Variants in SLIT3 observed in about 807,000 individuals in gnomAD.
SLIT3 encodes the protein slit homolog 3 protein.
A neutral mutation model predicts 184.0 loss-of-function variants in SLIT3; 68 were observed. The ratio of observed to expected loss-of-function variants is 0.37; its 90% CI spans 0.30 to 0.45. The LOEUF (loss-of-function observed/expected upper bound fraction) is 0.45, where lower values mean the gene tolerates loss of function less well. SLIT3 is among the 20% of genes least tolerant of loss of function. SLIT3 has a pLI of 1.00. For missense variants in SLIT3, 1,707 were observed against 2,026.0 expected, an observed-to-expected ratio of 0.84 and a Z score of 3.02; for synonymous variants, 831 against 828.6, an observed-to-expected ratio of 1.00 and a Z score of -0.05.
intron 4 of SLIT3, among the ~76,000 whole-genome samples, chr5:169,111,412 TAG>T (rs1403604851): frequency 2.0e-5 from 3 of 152,216 alleles, no homozygotes; most frequent in Admixed American, 1.3e-4. Flanking sequence ...AACATGAAAG[TAG>T]CCATAGAAGA....
At chr5:169,235,671 A>G (rs1013167007) in intron 3 of SLIT3, among the ~76,000 whole-genome samples, 1 of 152,152 alleles carries the variant, frequency 6.6e-6, no homozygotes, top group African/African-American at 2.4e-5. Context: ...TGGCTGTGAC[A>G]GTTTTTCTGA....
intron 5 of SLIT3, among the ~76,000 whole-genome samples, chr5:168,865,497 T>C (rs1345424361): frequency 6.6e-6 from 1 of 152,244 alleles, no homozygotes; most frequent in African/African-American, 2.4e-5. Context: ...GGTAACATAC[T>C]GTGTGATTCC....
At chr5:169,287,020 C>T (rs778687643) in intron 1 of SLIT3, among the ~76,000 whole-genome samples, 9 of 152,070 alleles carry the variant, frequency 5.9e-5, no homozygotes, top group Non-Finnish European at 1.0e-4. Context: ...GGAGGGCACA[C>T]GGCAGGGGGA....
chr5:169,272,564 C>T (rs1426109036), intron 1 of SLIT3, among the ~76,000 whole-genome samples: 1 of 152,220 alleles, frequency 6.6e-6, no homozygotes. Flanking sequence ...GCCCAGGCTA[C>T]TGCTTAAACA....
intron 29 of SLIT3, among the ~76,000 whole-genome samples, chr5:168,691,096 C>T (rs977432526): frequency 6.6e-6 from 1 of 152,148 alleles, no homozygotes; most frequent in African/African-American, 2.4e-5. Flanking sequence ...CCTAGAACTT[C>T]TTTCTTTTCT....
At chr5:168,898,773 C>A (rs1760772873) in intron 4 of SLIT3, among the ~76,000 whole-genome samples, 1 of 152,046 alleles carries the variant, frequency 6.6e-6, no homozygotes, top group South Asian at 2.1e-4. Context: ...CAATTCTAAT[C>A]CTTCTTATCA....
chr5:168,890,079 G>A (rs1760388033), intron 4 of SLIT3, among the ~76,000 whole-genome samples: 1 of 148,628 alleles, frequency 6.7e-6, no homozygotes, highest in African/African-American at 2.5e-5. Flanking sequence ...GCGGGAGGTT[G>A]CAGTGAGCCA....
intron 5 of SLIT3, among the ~76,000 whole-genome samples, chr5:168,870,451 C>T (rs1185135701): frequency 2.0e-5 from 3 of 152,164 alleles, no homozygotes; most frequent in Non-Finnish European, 4.4e-5. Flanking sequence ...CTTTCCTTTC[C>T]TCCCACAGTG....
Position 169,113,795 on chromosome 5 carries a change from A to G in SLIT3, c.413+79684T>C, listed in dbSNP as rs1300256298. On this transcript the variant is annotated intron_variant, in intron 4 of 35. Transcript: ENST00000519560. ...CTCAGCTTCCCAAGTAGCTGGGATTACTGACATGTGCCATCATGCCCAGCT... is the reference window on the plus strand; with the variant it reads ...CTCAGCTTCCCAAGTAGCTGGGATTGCTGACATGTGCCATCATGCCCAGCT... Among the ~76,000 whole-genome samples the G allele has an allele frequency of 4.6e-5, 7 of 151,466 alleles. No homozygotes were observed. The East Asian group carries it at 1.4e-3, about 30-fold the overall frequency.
rs530974680 is a variant in SLIT3, at chr5:168,774,215, A to T, written c.1295+20T>A. The T allele has an allele frequency of 6.3e-7, 1 of 1,576,014 alleles. No individual in the cohort carries two copies. Among genetic ancestry groups the T allele is most frequent in the South Asian group, 1.2e-5 (1 of 85,368 alleles). On this transcript the variant is annotated intron_variant, in intron 13 of 35. Transcript: ENST00000519560. ...TCCTGCTGCTTGGGCACCCACTGGC[A>T]CCCGAGGCAGTGTACTCACAGTGTC...
rs1036337072 is a variant in SLIT3, at chr5:168,710,990, C to T, written c.2624G>A (p.Gly875Glu). The T allele has an allele frequency of 6.4e-7, 1 of 1,571,146 alleles. No individual in the cohort carries two copies. The highest frequency in any genetic ancestry group is 8.6e-7 in the Non-Finnish European group (1 of 1,157,278). Reference protein sequence around the residue: ...LRWLSEWVKAGYKEPGIARCS... With the variant: ...LRWLSEWVKAEYKEPGIARCS... The stretch of plus-strand genomic sequence containing the variant: ...GCGGGCGATGCCAGGCTCCTTGTAC[C>T]CCGCCTTCACCCACTCCGACAGCCA... The change falls in exon 25 of 36, where the codon GGG (glycine) becomes GAG (glutamate). Residue 875 changes from glycine (G) to glutamate (E), a missense_variant. By Grantham distance (98) the Gly-to-Glu change is moderately conservative. Around this residue, in one of 3 missense-constraint regions of SLIT3, gnomAD observed 1,307 missense variants for 1,511.6 expected, o/e 0.86. Transcript: ENST00000519560.
intron 14 of SLIT3, among the ~76,000 whole-genome samples, chr5:168,769,434 C>T (rs990854784): frequency 3.9e-5 from 6 of 152,196 alleles, no homozygotes; most frequent in Non-Finnish European, 5.9e-5. Flanking sequence ...CTGGGCATAT[C>T]CTCTAGATGG....
At chr5:168,799,784 A>AT (rs1364618229) in intron 9 of SLIT3, among the ~76,000 whole-genome samples, 1 of 152,036 alleles carries the variant, frequency 6.6e-6, no homozygotes, top group Non-Finnish European at 1.5e-5. Flanking sequence ...GGCTCAAATT[A>AT]TTTTTTTCAA....
At chr5:169,136,635 T>C (rs1165702842) in intron 4 of SLIT3, among the ~76,000 whole-genome samples, 1 of 152,220 alleles carries the variant, frequency 6.6e-6, no homozygotes, top group African/African-American at 2.4e-5. Flanking sequence ...TGGTGACCTC[T>C]GGCCCCATCT....
intron 4 of SLIT3, among the ~76,000 whole-genome samples, chr5:169,189,626 G>A (rs1437047526): frequency 1.2e-4 from 17 of 144,816 alleles, no homozygotes; most frequent in African/African-American, 4.1e-4. Context: ...TATAAAATAA[G>A]AGCATTGATT....
chr5:168,789,889 G>C lies in SLIT3; in HGVS notation c.1008-258C>G, dbSNP rs765272493. ...ACCCGTGGCATCTTCATCGGGACAC[G>C]AGGCTGTGAACACGTGAACCATCAC... On this transcript the variant is annotated intron_variant, in intron 10 of 35. Coordinates refer to ENST00000519560, the MANE Select transcript of SLIT3 (RefSeq NM_003062.4). 90 of 442,178 alleles carry C rather than the reference G, an allele frequency of 2.0e-4. 1 individual carries two copies. In the Middle Eastern group the frequency reaches 3.0e-3, roughly 15 times the overall value. 27.4% of individuals were successfully genotyped at this position (442,178 alleles called of 1,614,324 possible). A position where few individuals can be genotyped will look rare whatever the true frequency, so the allele number is the denominator to read the frequency against.
intron 30 of SLIT3, among the ~76,000 whole-genome samples, chr5:168,686,137 G>A (rs1761736877): frequency 2.6e-5 from 4 of 152,146 alleles, no homozygotes; most frequent in Admixed American, 2.6e-4. Context: ...GAGAGTTGGG[G>A]TAGCCATGGT....
chr5:169,278,220 G>A (rs565773090), intron 1 of SLIT3, among the ~76,000 whole-genome samples: 5 of 152,274 alleles, frequency 3.3e-5, no homozygotes, highest in South Asian at 2.1e-4. Flanking sequence ...CAAATAGGGG[G>A]CTTTCCTCCA....
intron 4 of SLIT3, among the ~76,000 whole-genome samples, chr5:168,942,282 C>A (rs887302692): frequency 1.3e-5 from 2 of 152,134 alleles, no homozygotes; most frequent in Non-Finnish European, 2.9e-5. Flanking sequence ...GTCTCAATGA[C>A]ATTATTGAGC....
Sources: allele counts gnomAD v4.1 joint callset (sites outside exome capture counted in the v4.1 genomes callset), GRCh38; gene constraint gnomAD v4.1.1; regional missense constraint gnomAD v4.1.1; transcripts MANE v1.5; gene names NCBI Gene and HGNC (gene_info 2026-07-23, HGNC 2026-07-21).